Variants in TTC6 observed in about 807,000 individuals in gnomAD.
TTC6 encodes tetratricopeptide repeat domain 6.
A neutral mutation model predicts 210.4 loss-of-function variants in TTC6; 172 were observed. The observed-to-expected ratio is 0.82, with a 90% CI of 0.72 to 0.93. The LOEUF (loss-of-function observed/expected upper bound fraction) is 0.93, where lower values mean the gene tolerates loss of function less well. TTC6 is among the 40% of genes least tolerant of loss of function. TTC6 has a pLI of 0.00. For synonymous variants in TTC6, 804 were observed against 819.6 expected (o/e 0.98, Z 0.32); for missense variants, 2,414 against 2,318.1 (o/e 1.04, Z -0.85).
chr14:37,694,557 A>G (rs944505922), intron 3 of TTC6, among the ~76,000 whole-genome samples: 1 of 152,196 alleles, frequency 6.6e-6, no homozygotes, highest in African/African-American at 2.4e-5. Flanking sequence ...CATATGATAC[A>G]GCAATCCCGC....
intron 20 of TTC6, among the ~76,000 whole-genome samples, chr14:37,798,677 C>G (rs1431376932): frequency 6.6e-6 from 1 of 151,916 alleles, no homozygotes; most frequent in Non-Finnish European, 1.5e-5. Flanking sequence ...TTATTTTCTT[C>G]CAAATTTTAA....
At chr14:37,624,471 T>G (rs182799837) in intron 1 of TTC6, among the ~76,000 whole-genome samples, 21 of 152,298 alleles carry the variant, frequency 1.4e-4, no homozygotes, top group African/African-American at 4.6e-4. Context: ...CCCGTACAGT[T>G]GAGGAAAGTT....
intron 7 of TTC6, among the ~76,000 whole-genome samples, chr14:37,732,340 G>A (rs1270136466): frequency 6.7e-6 from 1 of 150,364 alleles, no homozygotes; most frequent in Non-Finnish European, 1.5e-5. Flanking sequence ...CCGCCACCAC[G>A]CCTTGCTAAT....
intron 14 of TTC6, among the ~76,000 whole-genome samples, chr14:37,764,460 T>C (rs1182527434): frequency 6.6e-6 from 1 of 152,194 alleles, no homozygotes; most frequent in African/African-American, 2.4e-5. Context: ...GCTCTGTTTT[T>C]GACTGTGTTT....
intron 1 of TTC6, among the ~76,000 whole-genome samples, chr14:37,677,506 A>G (rs1427739235): frequency 1.3e-5 from 2 of 151,950 alleles, no homozygotes; most frequent in Non-Finnish European, 2.9e-5. Flanking sequence ...GAGATTTTTT[A>G]TAATTAGTGG....
intron 10 of TTC6, among the ~76,000 whole-genome samples, chr14:37,742,167 T>C (rs974277982): frequency 6.6e-6 from 1 of 152,186 alleles, no homozygotes; most frequent in African/African-American, 2.4e-5. Flanking sequence ...TGTTTGCCAA[T>C]GGCGTTCCTA....
chr14:37,661,701 T>C (rs2095737693), intron 1 of TTC6, among the ~76,000 whole-genome samples: 1 of 152,234 alleles, frequency 6.6e-6, no homozygotes, highest in Admixed American at 6.5e-5. Context: ...TTTCTAATTC[T>C]GTGAAGAATT....
In TTC6 at chr14:37,776,111, C is replaced by T. The variant is rs1248497622; in HGVS notation, c.3267-11357C>T. Among the ~76,000 whole-genome samples the T allele has an allele frequency of 1.1e-4, 2 of 18,750 alleles. 1 individual carries two copies. The highest frequency in any genetic ancestry group is 2.6e-4 in the Non-Finnish European group (2 of 7,706). The allele number at this position is 18,750 out of a possible 152,430, so 12.3% of individuals were successfully genotyped here. ...TGTCGCCCAGGCTGGAGTGCAGTGG[C>T]GCAATCTCGGCTCACTGCAAGCTCC... On this transcript the variant is annotated intron_variant, in intron 14 of 30. Transcript: ENST00000553443.
At chr14:37,829,908 C>A (rs2096180644) in intron 29 of TTC6, among the ~76,000 whole-genome samples, 1 of 151,996 alleles carries the variant, frequency 6.6e-6, no homozygotes, top group Non-Finnish European at 1.5e-5. Context: ...TATTTTGTTA[C>A]CCTTATTGCA....
At chr14:37,732,735 A>G (rs1369750696) in intron 7 of TTC6, among the ~76,000 whole-genome samples, 1 of 151,430 alleles carries the variant, frequency 6.6e-6, no homozygotes, top group Admixed American at 6.6e-5. Context: ...TCTCTGCCTC[A>G]GCCTCCCGAG....
intron 16 of TTC6, 105 bp from the exon 19 acceptor site, chr14:37,792,159 T>C (rs2096081298): frequency 1.2e-6 from 1 of 860,734 alleles, no homozygotes; most frequent in Non-Finnish European, 1.7e-6. Context: ...AAAAATACTC[T>C]GATGAATACT....
At chr14:37,838,724 C>T (rs1046667476) in intron 29 of TTC6, among the ~76,000 whole-genome samples, 6 of 151,966 alleles carry the variant, frequency 3.9e-5, no homozygotes, top group Admixed American at 3.9e-4. Flanking sequence ...TGTACATGTG[C>T]ACAACGTGCA....
chr14:37,642,438 G>A (rs1368628028), intron 1 of TTC6, among the ~76,000 whole-genome samples: 2 of 152,170 alleles, frequency 1.3e-5, no homozygotes, highest in Non-Finnish European at 2.9e-5. Context: ...ACTGATTTTG[G>A]CAACTTAAGT....
At chr14:37,717,086 A>G (rs2095853967) in intron 6 of TTC6, among the ~76,000 whole-genome samples, 1 of 152,108 alleles carries the variant, frequency 6.6e-6, no homozygotes, top group Admixed American at 6.5e-5. Flanking sequence ...GACATAGCTA[A>G]GCAGAATTTC....
At chr14:37,607,267 G>A (rs554445470) in intron 2 of TTC6, among the ~76,000 whole-genome samples, 17 of 152,318 alleles carry the variant, frequency 1.1e-4, no homozygotes, top group Middle Eastern at 3.4e-3. Flanking sequence ...TCCAGTGACC[G>A]AGGGGCTCAT....
intron 3 of TTC6, among the ~76,000 whole-genome samples, chr14:37,685,094 A>T (rs1020016881): frequency 6.6e-6 from 1 of 152,206 alleles, no homozygotes; most frequent in African/African-American, 2.4e-5. Flanking sequence ...GATAGAAATA[A>T]TAGTGATTCT....
intron 14 of TTC6, among the ~76,000 whole-genome samples, chr14:37,780,563 C>T (rs71407738): frequency 0.034 from 5,210 of 152,270 alleles, 137 homozygotes; most frequent in Non-Finnish European, 0.052. Context: ...ATCCACGTCC[C>T]TGCAAAAGAC....
intron 20 of TTC6, among the ~76,000 whole-genome samples, chr14:37,798,308 T>G (rs2096097344): frequency 6.6e-6 from 1 of 152,064 alleles, no homozygotes; most frequent in South Asian, 2.1e-4. Flanking sequence ...CTTTTTCTTT[T>G]GAATAGATTT....
chr14:37,614,787 C>T (rs765102471), intron 2 of TTC6, among the ~76,000 whole-genome samples: 7 of 152,078 alleles, frequency 4.6e-5, no homozygotes, highest in South Asian at 2.1e-4. Context: ...TGCTGTGTTG[C>T]CCAGGCTGGA....
Sources: gnomAD v4.1 joint callset for allele counts (sites outside exome capture counted in the v4.1 genomes callset) on GRCh38, gnomAD v4.1.1 for gene constraint, MANE v1.5 for transcripts, NCBI Gene and HGNC (gene_info 2026-07-23, HGNC 2026-07-21) for gene names.